The following DDC variants were observed in gnomAD, a reference collection of about 807,000 sequenced individuals.
DDC encodes dopa decarboxylase.
Under a neutral mutation model 60.0 loss-of-function variants are expected in DDC, and 43 were observed. The ratio of observed to expected loss-of-function variants is 0.72; its 90% CI spans 0.56 to 0.92. The LOEUF is 0.92. DDC is among the 40% of genes least tolerant of loss of function. The pLI is 0.00. For synonymous variants in DDC, 232 were observed against 234.6 expected, an observed-to-expected ratio of 0.99 and a Z score of 0.10; for missense variants, 573 against 620.2, an observed-to-expected ratio of 0.92 and a Z score of 0.81.
intron 12 of DDC, 34 bp downstream of exon 12, chr7:50,470,039 A>T: frequency 7.0e-7 from 1 of 1,418,932 alleles, no homozygotes; most frequent in East Asian, 2.3e-5. Context: ...GACCTCCGCA[A>T]TTTTACCGTG....
chr7:50,473,266 C>G (rs1205757971), intron 11 of DDC, among the ~76,000 whole-genome samples: 1 of 152,114 alleles, frequency 6.6e-6, no homozygotes, highest in Non-Finnish European at 1.5e-5. Context: ...GAGAGGTGCC[C>G]TGGGGGCTCT....
chr7:50,500,432 A>C (rs2043226711), intron 7 of DDC, among the ~76,000 whole-genome samples: 3 of 152,174 alleles, frequency 2.0e-5, no homozygotes, highest in African/African-American at 7.2e-5. Flanking sequence ...GACTACAGCA[A>C]GCTTCAAATT....
At chr7:50,550,565 A>G (rs1449579127) in intron 1 of DDC, among the ~76,000 whole-genome samples, 1 of 152,196 alleles carries the variant, frequency 6.6e-6, no homozygotes, top group East Asian at 1.9e-4. Context: ...TCCTTATGAC[A>G]TGTGGCCAAG....
Position 50,499,201 on chromosome 7 carries a change from CG to C in DDC, c.822del (p.Tyr274Ter). ...TCAGGGCAGATGAATGCACTGCCTGCGTAGGCTGCATCAACGTGCAGCCATA... is the reference window on the plus strand; with the variant it reads ...TCAGGGCAGATGAATGCACTGCCTGCTAGGCTGCATCAACGTGCAGCCATA... The part of the protein sequence containing the change: ...EDIWLHVDAA[Y>X]AGSAFICPEF... On this transcript the variant is annotated frameshift_variant, in exon 8 of 15. Coordinates refer to ENST00000444124, the MANE Select transcript of DDC (RefSeq NM_001082971.2). LOFTEE classifies it high-confidence loss of function. The C allele has an allele frequency of 1.9e-6, 3 of 1,613,928 alleles. No individual in the cohort carries two copies. Among genetic ancestry groups the C allele is most frequent in the Non-Finnish European group, 2.5e-6 (3 of 1,179,980 alleles).
chr7:50,554,947 C>G (rs149855827), intron 1 of DDC, among the ~76,000 whole-genome samples: 1 of 152,116 alleles, frequency 6.6e-6, no homozygotes, highest in Non-Finnish European at 1.5e-5. Flanking sequence ...CCAGAGAACT[C>G]GGCTTGCGTC....
At chr7:50,526,961 A>G (rs1563028265) in intron 6 of DDC, among the ~76,000 whole-genome samples, 1 of 152,218 alleles carries the variant, frequency 6.6e-6, no homozygotes, top group Non-Finnish European at 1.5e-5. Context: ...GCTTCAAAAT[A>G]TGTACACAAT....
chr7:50,472,250 T>C (rs1305580345), intron 11 of DDC, among the ~76,000 whole-genome samples: 2 of 152,160 alleles, frequency 1.3e-5, no homozygotes, highest in African/African-American at 4.8e-5. Flanking sequence ...GCACCTGGCT[T>C]GGCATGGCGC....
At chr7:50,519,382 C>T (rs2043825980) in intron 6 of DDC, among the ~76,000 whole-genome samples, 1 of 152,164 alleles carries the variant, frequency 6.6e-6, no homozygotes, top group Non-Finnish European at 1.5e-5. Flanking sequence ...CCAGCAATCC[C>T]ACTACTGGGT....
At chr7:50,535,273 A>G (rs1021073845) in intron 4 of DDC, among the ~76,000 whole-genome samples, 2 of 151,848 alleles carry the variant, frequency 1.3e-5, no homozygotes, top group Non-Finnish European at 1.5e-5. Flanking sequence ...TCTCCTCCCA[A>G]GTAGCTGGGA....
chr7:50,550,818 C>T (rs562606363), intron 1 of DDC, among the ~76,000 whole-genome samples: 26 of 152,318 alleles, frequency 1.7e-4, no homozygotes, highest in Non-Finnish European at 2.9e-4. Flanking sequence ...GAATGGGAGA[C>T]AGATTTTCCC....
At chr7:50,472,177 AC>A (rs1484494468) in intron 11 of DDC, among the ~76,000 whole-genome samples, 1 of 152,158 alleles carries the variant, frequency 6.6e-6, no homozygotes, top group Non-Finnish European at 1.5e-5. Context: ...CTCCTGCCAG[AC>A]TAAGTTCCCA....
At chr7:50,484,263 T>C (rs988011767) in intron 9 of DDC, among the ~76,000 whole-genome samples, 3 of 152,204 alleles carry the variant, frequency 2.0e-5, no homozygotes, top group African/African-American at 7.2e-5. Context: ...CTCTGTTGGG[T>C]CTTTTTTGTG....
chr7:50,483,860 C>T (rs905288896), intron 9 of DDC, among the ~76,000 whole-genome samples: 7 of 150,332 alleles, frequency 4.7e-5, no homozygotes, highest in South Asian at 2.1e-4. Flanking sequence ...GCCAAGATCG[C>T]GCTACTGCAC....
intron 14 of DDC, among the ~76,000 whole-genome samples, chr7:50,459,238 C>G (rs1047030983): frequency 2.0e-5 from 3 of 152,246 alleles, no homozygotes; most frequent in Admixed American, 6.5e-5. Context: ...GGATTGCAGA[C>G]GGAGTCTGGT....
chr7:50,560,118 AG>A, intron 1 of DDC, among the ~76,000 whole-genome samples: 1 of 152,304 alleles, frequency 6.6e-6, no homozygotes, highest in South Asian at 2.1e-4. Context: ...GCACGCTGCC[AG>A]CAGGACTCCG....
intron 6 of DDC, among the ~76,000 whole-genome samples, chr7:50,507,592 T>A (rs116072328): frequency 0.012 from 1,798 of 152,326 alleles, 33 homozygotes; most frequent in African/African-American, 0.042. Flanking sequence ...TTTCTCTCTA[T>A]TAATGTGTGC....
chr7:50,542,883 C>G (rs2153550038), intron 2 of DDC: 1 of 152,386 alleles, frequency 6.6e-6, no homozygotes, highest in South Asian at 2.1e-4. Flanking sequence ...GGCCTGAGGC[C>G]TAGTCTCAAC....
chr7:50,508,369 T>C (rs1290344623), intron 6 of DDC, among the ~76,000 whole-genome samples: 1 of 152,162 alleles, frequency 6.6e-6, no homozygotes, highest in East Asian at 1.9e-4. Context: ...AGTTCAGGCC[T>C]CCATCTCAAA....
chr7:50,486,401 A>T (rs2042880759), intron 9 of DDC, among the ~76,000 whole-genome samples: 1 of 152,226 alleles, frequency 6.6e-6, no homozygotes, highest in Admixed American at 6.5e-5. Context: ...TGAGGAAAAA[A>T]CAGGGATGTG....
Sources: gnomAD v4.1 joint callset for allele counts (sites outside exome capture counted in the v4.1 genomes callset) on GRCh38, gnomAD v4.1.1 for gene constraint, MANE v1.5 for transcripts, NCBI Gene and HGNC (gene_info 2026-07-23, HGNC 2026-07-21) for gene names.